The following PCDH15 variants were observed in gnomAD, a reference collection of about 807,000 sequenced individuals.
PCDH15 encodes the protein protocadherin related 15.
In PCDH15, 129 loss-of-function variants were observed where a neutral mutation model predicts 178.5. The ratio of observed to expected loss-of-function variants is 0.72; its 90% CI spans 0.63 to 0.84. The LOEUF is 0.84. Among genes scored for constraint, PCDH15 ranks in the 40% least tolerant of loss-of-function variants. The pLI is 0.00. For missense variants in PCDH15, 2,230 were observed against 2,099.9 expected (o/e 1.06, Z -1.21); for synonymous variants, 800 against 732.0 (o/e 1.09, Z -1.50).
intron 9 of PCDH15, among the ~76,000 whole-genome samples, chr10:54,217,416 T>C (rs2052217081): frequency 1.3e-5 from 2 of 152,112 alleles, no homozygotes; most frequent in African/African-American, 4.8e-5. Context: ...ATCATATTGG[T>C]GGTATGTTGT....
chr10:55,265,954 G>A (rs1039457498), intron 1 of PCDH15, among the ~76,000 whole-genome samples: 1 of 151,992 alleles, frequency 6.6e-6, no homozygotes, highest in Non-Finnish European at 1.5e-5. Context: ...AAGCTTTAAC[G>A]ACCATCCTGC....
intron 2 of PCDH15, among the ~76,000 whole-genome samples, chr10:55,336,242 G>A (rs1296108623): frequency 6.6e-6 from 1 of 150,740 alleles, no homozygotes; most frequent in Non-Finnish European, 1.5e-5. Context: ...GCTCCTGCCT[G>A]TAATCCCAGC....
chr10:54,514,298 A>T (rs1171865551), intron 3 of PCDH15, among the ~76,000 whole-genome samples: 3 of 152,134 alleles, frequency 2.0e-5, no homozygotes, highest in Non-Finnish European at 2.9e-5. Context: ...TATAATTATA[A>T]TAATGTTCAC....
intron 2 of PCDH15, among the ~76,000 whole-genome samples, chr10:55,477,799 T>C (rs369604190): frequency 3.3e-5 from 5 of 151,978 alleles, no homozygotes; most frequent in South Asian, 4.1e-4. Context: ...AGTAAACAAA[T>C]GAATGAAGTG....
At chr10:54,158,755 A>C (rs1187004994) in intron 13 of PCDH15, among the ~76,000 whole-genome samples, 1 of 152,196 alleles carries the variant, frequency 6.6e-6, no homozygotes, top group Non-Finnish European at 1.5e-5. Flanking sequence ...CAAGAATATA[A>C]ATTGTAATGC....
intron 17 of PCDH15, among the ~76,000 whole-genome samples, chr10:54,070,765 T>A (rs1208012033): frequency 6.6e-6 from 1 of 152,010 alleles, no homozygotes; most frequent in Non-Finnish European, 1.5e-5. Context: ...AATTTTTATT[T>A]CTTTATTTTA....
At chr10:54,885,639 T>C (rs1954345016) in intron 3 of PCDH15, among the ~76,000 whole-genome samples, 1 of 152,096 alleles carries the variant, frequency 6.6e-6, no homozygotes, top group South Asian at 2.1e-4. Context: ...TTTAAGATGA[T>C]CGCAAACTCA....
At chr10:53,876,198 G>GTTTTTTTGT (rs373880641) in intron 26 of PCDH15, among the ~76,000 whole-genome samples, 1 of 145,466 alleles carries the variant, frequency 6.9e-6, no homozygotes, top group Non-Finnish European at 1.5e-5. Flanking sequence ...TTGTTTTTTT[G>GTTTTTTTGT]TTTTTTTTTT....
chr10:55,328,657 GA>G (rs974524651), intron 2 of PCDH15, among the ~76,000 whole-genome samples: 4 of 150,196 alleles, frequency 2.7e-5, no homozygotes, highest in African/African-American at 4.9e-5. Context: ...ATTTTGAGGG[GA>G]AAAAAAACCC....
chr10:53,808,815 A>ACTG, intron 37 of PCDH15: 1 of 1,611,232 alleles, frequency 6.2e-7, no homozygotes, highest in South Asian at 1.1e-5. Flanking sequence ...TTTCGCTACT[A>ACTG]CTGCTACTAC....
chr10:54,651,985 A>C (rs1049566565), intron 2 of PCDH15, among the ~76,000 whole-genome samples: 4 of 152,008 alleles, frequency 2.6e-5, no homozygotes, highest in Admixed American at 1.3e-4. Flanking sequence ...AAAAAAAAAA[A>C]ACCACACCTA....
At chr10:53,941,368 T>C (rs1469565634) in intron 23 of PCDH15, among the ~76,000 whole-genome samples, 2 of 152,154 alleles carry the variant, frequency 1.3e-5, no homozygotes, top group Non-Finnish European at 2.9e-5. Context: ...CTGATCTTTG[T>C]AGTGTCTCTA....
chr10:54,569,639 T>C (rs915827597), intron 2 of PCDH15, among the ~76,000 whole-genome samples: 1 of 152,088 alleles, frequency 6.6e-6, no homozygotes, highest in Non-Finnish European at 1.5e-5. Flanking sequence ...TACTCCAAGG[T>C]TGGCTTTGGG....
intron 10 of PCDH15, among the ~76,000 whole-genome samples, chr10:54,206,575 GT>G (rs2050818438): frequency 6.6e-6 from 1 of 151,972 alleles, no homozygotes; most frequent in Non-Finnish European, 1.5e-5. Flanking sequence ...CCACACTAAA[GT>G]ACCTTCTATG....
intron 23 of PCDH15, among the ~76,000 whole-genome samples, chr10:53,942,044 T>C (rs1370167469): frequency 6.6e-6 from 1 of 152,192 alleles, no homozygotes; most frequent in Non-Finnish European, 1.5e-5. Flanking sequence ...TTTATAAATA[T>C]CTGGTCCAAA....
chr10:54,641,138 A>T (rs2093977906), intron 2 of PCDH15: 2 of 226,598 alleles, frequency 8.8e-6, no homozygotes, highest in Non-Finnish European at 1.8e-5. Flanking sequence ...AAATTTTTTT[A>T]AAAGTACAAA....
intron 1 of PCDH15, among the ~76,000 whole-genome samples, chr10:54,790,555 A>G (rs1295402789): frequency 6.6e-6 from 1 of 151,776 alleles, no homozygotes; most frequent in Non-Finnish European, 1.5e-5. Flanking sequence ...TTTTTCCCGC[A>G]GAAAGTTGTC....
rs536635004 is a variant in PCDH15 at position 54,981,613 on chromosome 10, T to C, written c.-79-84113A>G. Among the ~76,000 whole-genome samples the C allele has an allele frequency of 2.0e-5, 3 of 152,304 alleles. No homozygotes were observed. The East Asian group carries it at 5.8e-4, about 29-fold the overall frequency. ...AAATTAAACTAAACAAAAGGGTTTT[T>C]TTCTTTGAAAACTTGGCCTAATCGT... is the stretch of plus-strand genomic sequence containing the variant. On this transcript the variant is annotated intron_variant, in intron 2 of 5. Transcript: ENST00000458638.
intron 1 of PCDH15, among the ~76,000 whole-genome samples, chr10:54,673,675 T>A (rs2094722393): frequency 6.6e-6 from 1 of 152,156 alleles, no homozygotes; most frequent in Non-Finnish European, 1.5e-5. Context: ...CGACCTCAGA[T>A]GATCTGCCCT....
Sources: allele counts gnomAD v4.1 joint callset (sites outside exome capture counted in the v4.1 genomes callset), GRCh38; gene constraint gnomAD v4.1.1; transcripts MANE v1.5; gene names NCBI Gene and HGNC (gene_info 2026-07-23, HGNC 2026-07-21).